Variants in ESR1 observed in about 807,000 individuals in gnomAD.
The protein encoded by ESR1 is estrogen receptor 1.
In ESR1, 12 loss-of-function variants were observed where a neutral mutation model predicts 52.7. The ratio of observed to expected loss-of-function variants is 0.23; its 90% CI spans 0.15 to 0.37. The LOEUF is 0.37. Among genes scored for constraint, ESR1 ranks in the 10% least tolerant of loss-of-function variants. The pLI is 1.00. For missense variants in ESR1, 584 were observed against 779.7 expected (o/e 0.75, Z 2.99); for synonymous variants, 305 against 316.8 (o/e 0.96, Z 0.39).
chr6:152,033,207 A>T lies in ESR1; in HGVS notation c.1235+21413A>T, dbSNP rs571242456. Among the ~76,000 whole-genome samples, 3 of 152,276 alleles carry T rather than the reference A, an allele frequency of 2.0e-5. No homozygotes were observed. In the East Asian group the frequency reaches 5.8e-4, roughly 29 times the overall value. ...AAAACCCTAGAAGAAAACCTAGGCA[A>T]TACCATTCAGGACATAGGCATGGGC... On this transcript the variant is annotated intron_variant, in intron 5 of 7. Coordinates refer to ENST00000206249, the MANE Select transcript of ESR1 (RefSeq NM_000125.4).
At chr6:151,745,499 AT>A (rs895809928) in intron 2 of ESR1, among the ~76,000 whole-genome samples, 28 of 152,206 alleles carry the variant, frequency 1.8e-4, no homozygotes, top group African/African-American at 5.8e-4. Context: ...ACAAACTTTC[AT>A]TTTATGGGTA....
chr6:151,998,135 A>G (rs1015249247), intron 4 of ESR1, among the ~76,000 whole-genome samples: 2 of 152,218 alleles, frequency 1.3e-5, no homozygotes, highest in East Asian at 3.9e-4. Context: ...ATTTGCTCTC[A>G]TATGTTATGG....
chr6:151,734,581 T>C (rs1782496656), intron 2 of ESR1, among the ~76,000 whole-genome samples: 1 of 152,100 alleles, frequency 6.6e-6, no homozygotes, highest in Admixed American at 6.5e-5. Context: ...CTTGCTGCAC[T>C]TTTTGGCATC....
upstream of ESR1, among the ~76,000 whole-genome samples, chr6:151,690,280 C>T (rs190687703): frequency 2.1e-4 from 32 of 152,172 alleles, 1 homozygote; most frequent in South Asian, 1.2e-3. Context: ...AAGAGAAAAT[C>T]GGCTGGATGG....
intron 2 of ESR1, among the ~76,000 whole-genome samples, chr6:151,849,262 T>C (rs1785822071): frequency 6.6e-6 from 1 of 152,230 alleles, no homozygotes; most frequent in Admixed American, 6.5e-5. Context: ...AGCTGATTTC[T>C]GTTCAGCATT....
chr6:151,999,174 T>C (rs1029089344), intron 4 of ESR1, among the ~76,000 whole-genome samples: 2 of 152,028 alleles, frequency 1.3e-5, no homozygotes, highest in Non-Finnish European at 2.9e-5. Flanking sequence ...TACCTGTTTA[T>C]TTCATGTATA....
chr6:152,055,647 A>G (rs1237838559), intron 5 of ESR1, among the ~76,000 whole-genome samples: 1 of 152,112 alleles, frequency 6.6e-6, no homozygotes, highest in Non-Finnish European at 1.5e-5. Flanking sequence ...CTTGAGAATC[A>G]TTCAGTTCTT....
At chr6:151,814,970 G>C (rs1185971844) in intron 1 of ESR1, among the ~76,000 whole-genome samples, 1 of 152,134 alleles carries the variant, frequency 6.6e-6, no homozygotes, top group African/African-American at 2.4e-5. Context: ...AGGCATTTTT[G>C]CTAACTGTAA....
chr6:151,776,035 G>A (rs1434993181), intron 2 of ESR1, among the ~76,000 whole-genome samples: 1 of 152,214 alleles, frequency 6.6e-6, no homozygotes, highest in Non-Finnish European at 1.5e-5. Context: ...GAGGCAGAGA[G>A]AAGAATATAG....
intron 1 of ESR1, among the ~76,000 whole-genome samples, chr6:151,836,183 A>G (rs80266203): frequency 2.6e-5 from 4 of 152,212 alleles, no homozygotes; most frequent in Non-Finnish European, 5.9e-5. Context: ...GTAATGAGTT[A>G]GATGTAGGAG....
chr6:151,828,623 C>G (rs575322347), intron 1 of ESR1, among the ~76,000 whole-genome samples: 1 of 152,174 alleles, frequency 6.6e-6, no homozygotes, highest in African/African-American at 2.4e-5. Context: ...TTAAAGTGTT[C>G]CAGAGAGCAA....
rs559444056 is a variant in ESR1, at chr6:151,933,181, G to A, written c.761-10992G>A. Among the ~76,000 whole-genome samples, 243 of 151,472 alleles carry A rather than the reference G, an allele frequency of 1.6e-3. 1 individual carries two copies. Among genetic ancestry groups the A allele is most frequent in the African/African-American group, 5.7e-3 (235 of 41,414 alleles). On this transcript the variant is annotated intron_variant, in intron 3 of 7. Transcript: ENST00000206249. Reference sequence around the variant, plus strand: ...AAGAGGTCCTTCACATCCCTTGTAAGTTGTATTCCTAGGTATTTTATTCTC... The same window carrying A: ...AAGAGGTCCTTCACATCCCTTGTAAATTGTATTCCTAGGTATTTTATTCTC...
chr6:151,847,823 T>C (rs1785415644), intron 2 of ESR1, among the ~76,000 whole-genome samples: 1 of 149,218 alleles, frequency 6.7e-6, no homozygotes, highest in Non-Finnish European at 1.5e-5. Flanking sequence ...CCCACGCCTA[T>C]GTCCTGAATG....
intron 2 of ESR1, among the ~76,000 whole-genome samples, chr6:151,846,107 C>A (rs763547489): frequency 6.6e-6 from 1 of 152,076 alleles, no homozygotes; most frequent in Non-Finnish European, 1.5e-5. Context: ...GAGGGTGAGT[C>A]AAGGGAGCAT....
At chr6:151,946,593 C>T (rs1407272072) in intron 4 of ESR1, among the ~76,000 whole-genome samples, 4 of 152,162 alleles carry the variant, frequency 2.6e-5, no homozygotes, top group East Asian at 3.9e-4. Flanking sequence ...TCATCATGTT[C>T]GTTTAAAAGA....
intron 2 of ESR1, among the ~76,000 whole-genome samples, chr6:151,787,881 T>A (rs747100934): frequency 6.6e-6 from 1 of 152,218 alleles, no homozygotes; most frequent in Non-Finnish European, 1.5e-5. Context: ...TCTAATACTA[T>A]GTTGAATAGG....
chr6:151,904,382 A>G (rs1184011442), intron 3 of ESR1, among the ~76,000 whole-genome samples: 1 of 152,230 alleles, frequency 6.6e-6, no homozygotes, highest in African/African-American at 2.4e-5. Context: ...ACACTGCTAT[A>G]TAGATATTTA....
chr6:151,836,690 G>T (rs1398572770), intron 1 of ESR1, among the ~76,000 whole-genome samples: 1 of 152,108 alleles, frequency 6.6e-6, no homozygotes, highest in Non-Finnish European at 1.5e-5. Context: ...CCCAAATATA[G>T]GATTGGAAAT....
chr6:151,949,331 G>C (rs147716574), intron 4 of ESR1, among the ~76,000 whole-genome samples: 27 of 152,338 alleles, frequency 1.8e-4, no homozygotes, highest in African/African-American at 5.8e-4. Flanking sequence ...GGAATTGGGA[G>C]CATCTACAAG....
Sources: gnomAD v4.1 joint callset for allele counts (sites outside exome capture counted in the v4.1 genomes callset) on GRCh38, gnomAD v4.1.1 for gene constraint, MANE v1.5 for transcripts, NCBI Gene and HGNC (gene_info 2026-07-23, HGNC 2026-07-21) for gene names.